The following MORC3 variants were observed in gnomAD, a reference collection of about 807,000 sequenced individuals.
MORC3 encodes the protein MORC family CW-type zinc finger 3.
Under a neutral mutation model 109.1 loss-of-function variants are expected in MORC3, and 31 were observed. That is an observed-to-expected ratio of 0.28 (90% CI 0.21 to 0.38). The LOEUF (loss-of-function observed/expected upper bound fraction) is 0.38. MORC3 is among the 10% of genes least tolerant of loss of function. The pLI is 1.00. For missense variants in MORC3, 867 were observed against 1,135.8 expected (o/e 0.76, Z 3.40); for synonymous variants, 395 against 380.7 (o/e 1.04, Z -0.44).
At chr21:36,340,364 T>C (rs895621966) in intron 5 of MORC3, among the ~76,000 whole-genome samples, 1 of 152,168 alleles carries the variant, frequency 6.6e-6, no homozygotes, top group East Asian at 1.9e-4. Context: ...CAGGACACTT[T>C]AGTCATCACA....
At chr21:36,372,039 C>T (rs1215926041) in intron 15 of MORC3, among the ~76,000 whole-genome samples, 12 of 152,104 alleles carry the variant, frequency 7.9e-5, no homozygotes, top group Admixed American at 7.2e-4. Context: ...TCTTAAACTC[C>T]TGATCTCAGG....
At chr21:36,325,925 A>G (rs889574008) in intron 1 of MORC3, among the ~76,000 whole-genome samples, 2 of 152,178 alleles carry the variant, frequency 1.3e-5, no homozygotes. Context: ...TTATTAAATT[A>G]TTGTTAATTT....
intron 14 of MORC3, among the ~76,000 whole-genome samples, chr21:36,367,574 G>A (rs1415852504): frequency 6.6e-6 from 1 of 152,230 alleles, no homozygotes; most frequent in Non-Finnish European, 1.5e-5. Flanking sequence ...GCCACCATCT[G>A]AATAAGGGAG....
chr21:36,367,030 G>A (rs1185970260), intron 14 of MORC3, among the ~76,000 whole-genome samples: 4 of 152,122 alleles, frequency 2.6e-5, no homozygotes, highest in Non-Finnish European at 5.9e-5. Flanking sequence ...TGCTGAAGGT[G>A]GAAGATAGAT....
chr21:36,339,732 T>A (rs946149968), intron 5 of MORC3, among the ~76,000 whole-genome samples: 1 of 152,198 alleles, frequency 6.6e-6, no homozygotes, highest in African/African-American at 2.4e-5. Flanking sequence ...TGTCTAATAC[T>A]GAAAGATCTA....
chr21:36,362,709 G>A (rs916042646), intron 13 of MORC3, among the ~76,000 whole-genome samples: 13 of 151,968 alleles, frequency 8.6e-5, no homozygotes, highest in African/African-American at 3.1e-4. Context: ...GTCTTATATT[G>A]TGTAGTGCTT....
rs545030354 is a variant in MORC3, at chr21:36,371,815, GTT to G, written c.2509-545_2509-544del. On this transcript the variant is annotated intron_variant, in intron 15 of 16. Transcript: ENST00000400485. ...TGGTTTTTCTGTTTTGTTTTGTTTT[GTT>G]TTTTTTTTTTTTTGAGATGGAACTT... Among the ~76,000 whole-genome samples the G allele has an allele frequency of 4.8e-3, 596 of 124,262 alleles. 3 individuals carry two copies. Among genetic ancestry groups the G allele is most frequent in the African/African-American group, 0.023 (541 of 24,016 alleles). The allele number at this position is 124,262 out of a possible 152,430, so 81.5% of individuals were successfully genotyped here. A position where few individuals can be genotyped will look rare whatever the true frequency, so the allele number is the denominator to read the frequency against.
At chr21:36,371,061 AAAG>A (rs761007455) in intron 15 of MORC3, among the ~76,000 whole-genome samples, 6 of 152,142 alleles carry the variant, frequency 3.9e-5, no homozygotes, top group Non-Finnish European at 2.9e-5. Flanking sequence ...TTCTACTGAG[AAAG>A]AAGGAGAAAA....
chr21:36,341,382 A>G lies in MORC3; in HGVS notation c.609-17A>G, dbSNP rs759878465. 1.3e-6 allele frequency: 2 copies of G among 1,594,094 alleles called. No homozygotes were observed. Among genetic ancestry groups the G allele is most frequent in the South Asian group, 1.1e-5 (1 of 87,556 alleles). On this transcript the variant is annotated splice_polypyrimidine_tract_variant and intron_variant, in intron 5 of 16. Transcript: ENST00000400485. ...GTGAAGTTAAATTTTGGTTCTTTCT[A>G]AAAATTATTTTTACAGCTACAAAAA...
intron 1 of MORC3, among the ~76,000 whole-genome samples, chr21:36,327,564 C>T (rs1242128699): frequency 6.6e-6 from 1 of 151,148 alleles, no homozygotes; most frequent in Non-Finnish European, 1.5e-5. Flanking sequence ...CGAAAGAAAG[C>T]AGAAACAAAG....
chr21:36,338,731 T>G (rs762343428), intron 4 of MORC3, 43 bp from the exon 5 acceptor site: 4 of 1,530,528 alleles, frequency 2.6e-6, no homozygotes, highest in South Asian at 1.2e-5. Flanking sequence ...ATTGTAATTA[T>G]GAAAACTATG....
chr21:36,362,766 T>G (rs2085734513), intron 13 of MORC3, among the ~76,000 whole-genome samples: 3 of 152,114 alleles, frequency 2.0e-5, no homozygotes, highest in Admixed American at 1.3e-4. Flanking sequence ...ATCAAAGGGA[T>G]TTGGTTTATT....
intron 9 of MORC3, among the ~76,000 whole-genome samples, chr21:36,353,645 T>A (rs1158544602): frequency 1.3e-5 from 2 of 151,140 alleles, no homozygotes; most frequent in African/African-American, 4.9e-5. Context: ...AGTGGTGCAA[T>A]CTCAGCTCAT....
intron 15 of MORC3, among the ~76,000 whole-genome samples, chr21:36,370,639 ATTTTTTTTTTTTTTTTT>A (rs869169013): frequency 1.2e-3 from 46 of 37,560 alleles, no homozygotes; most frequent in Admixed American, 2.0e-3. Context: ...ATATATATAT[ATTTTTTTTTTTTTTTTT>A]TTTTTTTTTT....
At chr21:36,322,998 T>C (rs1209121164) in intron 1 of MORC3, among the ~76,000 whole-genome samples, 1 of 152,230 alleles carries the variant, frequency 6.6e-6, no homozygotes, top group Non-Finnish European at 1.5e-5. Flanking sequence ...CCTTTTGTTT[T>C]CCCTGAAGTT....
chr21:36,368,184 G>A (rs1379568318), intron 14 of MORC3, among the ~76,000 whole-genome samples: 3 of 152,190 alleles, frequency 2.0e-5, no homozygotes, highest in Non-Finnish European at 4.4e-5. Flanking sequence ...AACAGGGAAT[G>A]ATGCAAATGA....
At chr21:36,370,059 C>G (rs958157986) in intron 15 of MORC3, among the ~76,000 whole-genome samples, 183 bp downstream of exon 15, 4 of 152,122 alleles carry the variant, frequency 2.6e-5, no homozygotes, top group Non-Finnish European at 5.9e-5. Context: ...TGGTGAAACC[C>G]CGTTTCTACT....
At chr21:36,333,768 T>C in intron 2 of MORC3, 50 bp downstream of exon 2, 1 of 838,904 alleles carries the variant, frequency 1.2e-6, no homozygotes, top group Non-Finnish European at 1.7e-6. Flanking sequence ...AATTGTAGTG[T>C]TTTTTTTTTT....
Position 36,336,881 on chromosome 21 carries a change from T to G in MORC3, c.120T>G (p.Ala40=). ...CAAACTTGTGTTTCCCAGATAATGC[T>G]TATGATCCTGATGTGAACGCTAAAC... ...FSAVAELIDN[A]YDPDVNAKQI... The change falls in exon 3 of 17, where the codon GCT becomes GCG. Residue 40 remains alanine (A), a synonymous_variant. Transcript: ENST00000400485. 6.2e-7 allele frequency: 1 copy of G among 1,602,938 alleles called. No individual in the cohort carries two copies.
Sources: allele counts gnomAD v4.1 joint callset (sites outside exome capture counted in the v4.1 genomes callset), GRCh38; gene constraint gnomAD v4.1.1; transcripts MANE v1.5; gene names NCBI Gene and HGNC (gene_info 2026-07-23, HGNC 2026-07-21).